TMEM38B: variants seen among roughly 807,000 people sequenced by gnomAD.
TMEM38B encodes trimeric intracellular cation channel type B.
TMEM38B carries 24 observed loss-of-function variants against 28.7 expected under a neutral mutation model. That is an observed-to-expected ratio of 0.84 (90% CI 0.61 to 1.18). TMEM38B has a LOEUF of 1.18. TMEM38B is among the 50% of genes most tolerant of loss of function. The probability of loss-of-function intolerance (pLI) is 0.00; values close to 1 mark genes in which losing one functional copy is unlikely to be tolerated. For missense variants in TMEM38B, 380 were observed against 350.9 expected, an observed-to-expected ratio of 1.08 and a Z score of -0.66; for synonymous variants, 131 against 127.7, an observed-to-expected ratio of 1.03 and a Z score of -0.17.
chr9:105,766,492 G>C (rs1826374231), intron 5 of TMEM38B, among the ~76,000 whole-genome samples: 1 of 152,066 alleles, frequency 6.6e-6, no homozygotes, highest in Non-Finnish European at 1.5e-5. Context: ...GTATATTCAG[G>C]ATGTCAATCC....
intron 4 of TMEM38B, among the ~76,000 whole-genome samples, chr9:105,732,492 G>A (rs1836788295): frequency 6.6e-6 from 1 of 152,198 alleles, no homozygotes; most frequent in South Asian, 2.1e-4. Flanking sequence ...TGTATAAGGT[G>A]TAAGGAAGGG....
chr9:105,754,209 C>T (rs1041936356), intron 5 of TMEM38B, among the ~76,000 whole-genome samples: 3 of 152,292 alleles, frequency 2.0e-5, no homozygotes, highest in Non-Finnish European at 4.4e-5. Flanking sequence ...TAACACCCTA[C>T]TGACAATATT....
At chr9:105,767,023 G>T (rs1179946978) in intron 5 of TMEM38B, among the ~76,000 whole-genome samples, 1 of 151,794 alleles carries the variant, frequency 6.6e-6, no homozygotes, top group African/African-American at 2.4e-5. Flanking sequence ...CGTTTGCTCA[G>T]AATGATGGTT....
chr9:105,704,380 G>C (rs1432800202), intron 1 of TMEM38B, among the ~76,000 whole-genome samples: 1 of 152,100 alleles, frequency 6.6e-6, no homozygotes, highest in African/African-American at 2.4e-5. Context: ...CTTGGCAACA[G>C]AGCGAGACCC....
intron 1 of TMEM38B, among the ~76,000 whole-genome samples, chr9:105,697,160 A>G (rs768122315): frequency 2.0e-5 from 3 of 152,202 alleles, no homozygotes; most frequent in Non-Finnish European, 4.4e-5. Context: ...CATCACAATC[A>G]AGATACTGAA....
At chr9:105,745,966 C>G (rs1339329467) in intron 4 of TMEM38B, among the ~76,000 whole-genome samples, 4 of 152,118 alleles carry the variant, frequency 2.6e-5, no homozygotes, top group Admixed American at 1.3e-4. Flanking sequence ...CAGTACCATG[C>G]TGTTTTGGTT....
At chr9:105,716,374 T>TTGTGTG (rs139155061) in intron 2 of TMEM38B, among the ~76,000 whole-genome samples, 6 of 150,738 alleles carry the variant, frequency 4.0e-5, no homozygotes, top group African/African-American at 1.2e-4. Context: ...GTTGTAGCAT[T>TTGTGTG]TGTGTGTGTG....
intron 2 of TMEM38B, among the ~76,000 whole-genome samples, chr9:105,708,201 C>T (rs1265968508): frequency 1.3e-5 from 2 of 151,332 alleles, no homozygotes; most frequent in African/African-American, 2.4e-5. Context: ...AGCTGCAGAT[C>T]AAAAATATTT....
chr9:105,698,534 A>G (rs914525941), intron 1 of TMEM38B, among the ~76,000 whole-genome samples: 9 of 151,998 alleles, frequency 5.9e-5, no homozygotes, highest in Non-Finnish European at 1.5e-5. Flanking sequence ...AGTGAATTAC[A>G]TTATTACGTT....
chr9:105,694,908 G>A lies in TMEM38B; in HGVS notation c.112+136G>A. 4.2e-6 allele frequency: 3 copies of A among 707,134 alleles called. No individual in the cohort carries two copies. The South Asian group carries it at 5.3e-5, about 13-fold the overall frequency. The allele number at this position is 707,134 out of a possible 1,614,324, so 43.8% of individuals were successfully genotyped here. On this transcript the variant is annotated intron_variant, in intron 1 of 5. Transcript: ENST00000374692. ...CAGACAGTTCGATGGTAGAGTTGGA[G>A]GGGCGCCAAGGGCCGGTTGGTCTGA... is the stretch of plus-strand genomic sequence containing the variant.
At chr9:105,748,695 A>G (rs540971622) in intron 5 of TMEM38B, among the ~76,000 whole-genome samples, 1 of 152,288 alleles carries the variant, frequency 6.6e-6, no homozygotes, top group African/African-American at 2.4e-5. Flanking sequence ...TAGTCCCTGA[A>G]TAGGCAAGCC....
chr9:105,732,846 A>G (rs1836809696), intron 4 of TMEM38B, among the ~76,000 whole-genome samples: 1 of 152,114 alleles, frequency 6.6e-6, no homozygotes, highest in African/African-American at 2.4e-5. Flanking sequence ...TTCTGTGGAG[A>G]AAGTCATTGG....
At chr9:105,722,441 A>C in intron 3 of TMEM38B, 93 bp from the exon 4 acceptor site, 1 of 1,015,610 alleles carries the variant, frequency 9.8e-7, no homozygotes, top group South Asian at 1.3e-5. Context: ...TCCTCTTGGA[A>C]TGTATTATCA....
intron 5 of TMEM38B, among the ~76,000 whole-genome samples, chr9:105,751,282 G>A (rs1285674216): frequency 6.6e-6 from 1 of 152,198 alleles, no homozygotes; most frequent in Non-Finnish European, 1.5e-5. Context: ...GCAGCATGGG[G>A]CCAAAGGAAC....
chr9:105,759,411 G>A, intron 5 of TMEM38B: 1 of 1,549,288 alleles, frequency 6.5e-7, no homozygotes, highest in Non-Finnish European at 8.7e-7. Context: ...AGAGACTACG[G>A]ATAAGCAATC....
At position 105,759,444 on chromosome 9, in the gene TMEM38B, T is replaced by C. The variant is rs1837956910; in HGVS notation, c.660+11254T>C. On this transcript the variant is annotated intron_variant, in intron 5 of 5. Transcript: ENST00000374692. ...ATCCAGGATTTCAAGAAAGATGTGC[T>C]AAGAAAATGCAGCTAGTTAATTTAA... is the stretch of plus-strand genomic sequence containing the variant. The C allele has an allele frequency of 5.1e-6, 8 of 1,562,242 alleles. No individual in the cohort carries two copies. The South Asian group carries it at 7.3e-5, about 14-fold the overall frequency.
intron 5 of TMEM38B, among the ~76,000 whole-genome samples, chr9:105,770,251 G>A (rs956667044): frequency 6.6e-6 from 1 of 152,162 alleles, no homozygotes; most frequent in Non-Finnish European, 1.5e-5. Flanking sequence ...AAAGGAGCAG[G>A]AGATATGCTA....
intron 4 of TMEM38B, among the ~76,000 whole-genome samples, chr9:105,736,086 C>T (rs1029969670): frequency 1.3e-5 from 2 of 149,638 alleles, no homozygotes; most frequent in African/African-American, 4.9e-5. Context: ...GATAGGATCT[C>T]ACTATGTTGC....
intron 5 of TMEM38B, among the ~76,000 whole-genome samples, chr9:105,754,313 T>C (rs1441464757): frequency 6.6e-6 from 1 of 152,078 alleles, no homozygotes; most frequent in Non-Finnish European, 1.5e-5. Flanking sequence ...AACTCTCCAC[T>C]CAAAAGCAAC....
Sources: allele counts gnomAD v4.1 joint callset (sites outside exome capture counted in the v4.1 genomes callset), GRCh38; gene constraint gnomAD v4.1.1; transcripts MANE v1.5; gene names NCBI Gene and HGNC (gene_info 2026-07-23, HGNC 2026-07-21).